SLIT3: variants seen among roughly 807,000 people sequenced by gnomAD.
SLIT3 encodes slit homolog 3 protein.
Under a neutral mutation model 184.0 loss-of-function variants are expected in SLIT3, and 68 were observed. That is an observed-to-expected ratio of 0.37 (90% CI 0.30 to 0.45). The LOEUF (loss-of-function observed/expected upper bound fraction) is 0.45, where lower values mean the gene tolerates loss of function less well. SLIT3 is among the 20% of genes least tolerant of loss of function. The probability of loss-of-function intolerance (pLI) is 1.00; values close to 1 mark genes in which losing one functional copy is unlikely to be tolerated. For synonymous variants in SLIT3, 831 were observed against 828.6 expected (o/e 1.00, Z -0.05); for missense variants, 1,707 against 2,026.0 (o/e 0.84, Z 3.02).
intron 4 of SLIT3, among the ~76,000 whole-genome samples, chr5:169,120,805 T>C (rs899670690): frequency 6.6e-6 from 1 of 152,178 alleles, no homozygotes; most frequent in African/African-American, 2.4e-5. Context: ...GTTTACTTGA[T>C]GGGCCTCTGC....
intron 35 of SLIT3, among the ~76,000 whole-genome samples, 192 bp downstream of exon 35, chr5:168,669,591 A>G (rs1025169447): frequency 2.0e-5 from 3 of 152,232 alleles, no homozygotes; most frequent in African/African-American, 4.8e-5. Context: ...GTTATGCAGC[A>G]CTAGATAACT....
chr5:168,907,979 T>TATATATATATAGAGAG (rs376418381), intron 4 of SLIT3, among the ~76,000 whole-genome samples: 4 of 50,082 alleles, frequency 8.0e-5, no homozygotes, highest in African/African-American at 1.3e-4. Flanking sequence ...TATATATATA[T>TATATATATATAGAGAG]AGAGAGAGAG....
At chr5:168,813,072 T>A (rs1259070264) in intron 8 of SLIT3, among the ~76,000 whole-genome samples, 1 of 152,164 alleles carries the variant, frequency 6.6e-6, no homozygotes, top group African/African-American at 2.4e-5. Flanking sequence ...AAGACTAATG[T>A]CTGTAGGAAA....
At chr5:168,823,454 A>G in intron 6 of SLIT3, 123 bp from the exon 7 acceptor site, 1 of 768,332 alleles carries the variant, frequency 1.3e-6, no homozygotes. Context: ...GTCATGGCCC[A>G]GCCAGTGGAG....
chr5:169,082,642 G>A (rs1759117616), intron 4 of SLIT3, among the ~76,000 whole-genome samples: 1 of 152,102 alleles, frequency 6.6e-6, no homozygotes, highest in African/African-American at 2.4e-5. Context: ...AGGAATGACC[G>A]CATCAGAACC....
intron 32 of SLIT3, among the ~76,000 whole-genome samples, chr5:168,675,587 G>C (rs1267295334): frequency 6.6e-6 from 1 of 152,172 alleles, no homozygotes. Flanking sequence ...AACCAGGCAT[G>C]CTGGCATGTG....
intron 16 of SLIT3, among the ~76,000 whole-genome samples, chr5:168,755,472 T>C (rs13170755): frequency 0.2 from 28,224 of 143,902 alleles, 4,194 homozygotes; most frequent in East Asian, 0.28. Flanking sequence ...TCTCTCCTTG[T>C]TGCCCAGGCT....
At chr5:169,225,202 G>C (rs1764762197) in intron 3 of SLIT3, among the ~76,000 whole-genome samples, 1 of 152,198 alleles carries the variant, frequency 6.6e-6, no homozygotes, top group Non-Finnish European at 1.5e-5. Flanking sequence ...GTGTTTTACA[G>C]ACAGGTCCAT....
chr5:168,711,204 G>A (rs1220045859), intron 24 of SLIT3, 146 bp from the exon 25 acceptor site: 3 of 658,554 alleles, frequency 4.6e-6, no homozygotes, highest in African/African-American at 3.8e-5. Flanking sequence ...TCTCCACTGT[G>A]GCAAAGTTAA....
chr5:169,249,066 G>A (rs1765689452), intron 2 of SLIT3, among the ~76,000 whole-genome samples: 1 of 152,124 alleles, frequency 6.6e-6, no homozygotes, highest in Non-Finnish European at 1.5e-5. Flanking sequence ...ATGTGCCAAG[G>A]TGTGAAAAAA....
chr5:168,799,224 T>C (rs1381753706), intron 9 of SLIT3, among the ~76,000 whole-genome samples: 1 of 152,210 alleles, frequency 6.6e-6, no homozygotes. Flanking sequence ...AGGTCCAGAC[T>C]CCTAGTGTGA....
chr5:168,853,916 AG>A (rs1431687675), intron 5 of SLIT3, among the ~76,000 whole-genome samples: 1 of 152,176 alleles, frequency 6.6e-6, no homozygotes, highest in East Asian at 1.9e-4. Flanking sequence ...CACATCTTCT[AG>A]GAGACCTTCC....
intron 5 of SLIT3, among the ~76,000 whole-genome samples, chr5:168,872,757 G>T (rs1195801420): frequency 6.7e-6 from 1 of 150,144 alleles, no homozygotes; most frequent in Non-Finnish European, 1.5e-5. Flanking sequence ...TCCTGCCTCA[G>T]CCTCTCCCGA....
At chr5:168,965,938 G>A (rs1763171363) in intron 4 of SLIT3, among the ~76,000 whole-genome samples, 1 of 152,222 alleles carries the variant, frequency 6.6e-6, no homozygotes, top group African/African-American at 2.4e-5. Flanking sequence ...AAGATGGCAA[G>A]ACCTCAGAGC....
intron 4 of SLIT3, among the ~76,000 whole-genome samples, chr5:169,021,179 G>A (rs970656230): frequency 3.3e-5 from 5 of 152,088 alleles, no homozygotes; most frequent in Non-Finnish European, 7.4e-5. Flanking sequence ...GCACCAGACT[G>A]GATTTTAGCT....
chr5:169,263,507 G>A (rs1423324240), intron 1 of SLIT3: 2 of 401,152 alleles, frequency 5.0e-6, no homozygotes, highest in Non-Finnish European at 4.9e-6. Flanking sequence ...ATTTCAGAAG[G>A]AGCCTGGCCC....
At chr5:169,216,352 C>T (rs889383465) in intron 3 of SLIT3, among the ~76,000 whole-genome samples, 1 of 152,214 alleles carries the variant, frequency 6.6e-6, no homozygotes, top group Non-Finnish European at 1.5e-5. Flanking sequence ...GAGCTCCATT[C>T]CGTCCCTTTT....
chr5:169,185,586 T>C (rs1050258264), intron 4 of SLIT3, among the ~76,000 whole-genome samples: 2 of 152,224 alleles, frequency 1.3e-5, no homozygotes, highest in African/African-American at 4.8e-5. Flanking sequence ...TATAGCACTG[T>C]TTCACATCAA....
chr5:169,091,421 C>T (rs907402238), intron 4 of SLIT3, among the ~76,000 whole-genome samples: 2 of 152,214 alleles, frequency 1.3e-5, no homozygotes, highest in South Asian at 4.1e-4. Context: ...GAGAAAAAGA[C>T]ACCTCTTCCA....
Sources: gnomAD v4.1 joint callset for allele counts (sites outside exome capture counted in the v4.1 genomes callset) on GRCh38, gnomAD v4.1.1 for gene constraint, MANE v1.5 for transcripts, NCBI Gene and HGNC (gene_info 2026-07-23, HGNC 2026-07-21) for gene names.